The following ADAM19 variants were observed in gnomAD, a reference collection of about 807,000 sequenced individuals.
ADAM19 encodes the protein disintegrin and metalloproteinase domain-containing protein 19.
A neutral mutation model predicts 114.7 loss-of-function variants in ADAM19; 65 were observed. The observed-to-expected ratio is 0.57, with a 90% CI of 0.46 to 0.70. The LOEUF (loss-of-function observed/expected upper bound fraction) is 0.70. Among genes scored for constraint, ADAM19 ranks in the 30% least tolerant of loss-of-function variants. The pLI, the probability that ADAM19 is intolerant of heterozygous loss-of-function variation, is 0.00. For synonymous variants in ADAM19, 466 were observed against 460.5 expected (o/e 1.01, Z -0.15); for missense variants, 1,063 against 1,204.7 (o/e 0.88, Z 1.74).
chr5:157,556,209 CTTTTTTT>C (rs68078503), intron 3 of ADAM19, among the ~76,000 whole-genome samples: 1,678 of 66,500 alleles, frequency 0.025, 48 homozygotes, highest in African/African-American at 0.094. Flanking sequence ...TTTTCTTTTT[CTTTTTTT>C]TTTTTTTTTT....
chr5:157,569,416 C>CTT (rs1196722802), intron 2 of ADAM19, among the ~76,000 whole-genome samples: 566 of 97,894 alleles, frequency 5.8e-3, no homozygotes, highest in African/African-American at 8.7e-3. Flanking sequence ...AGCTAATTTT[C>CTT]TTTTTTTTTT....
At chr5:157,504,944 C>T (rs1236799807) in intron 11 of ADAM19, among the ~76,000 whole-genome samples, 2 of 151,724 alleles carry the variant, frequency 1.3e-5, no homozygotes, top group African/African-American at 2.4e-5. Flanking sequence ...ATGGTGAAAC[C>T]CTGTCTCTAC....
intron 22 of ADAM19, 53 bp from the exon 23 acceptor site, chr5:157,481,055 G>A: frequency 6.2e-7 from 1 of 1,610,726 alleles, no homozygotes; most frequent in Non-Finnish European, 8.5e-7. Flanking sequence ...GCTGATCAAT[G>A]GGATCAAGGG....
Position 157,479,759 on chromosome 5 carries a change from G to A in ADAM19, c.*1190C>T. The stretch of plus-strand genomic sequence containing the variant: ...CTGGCTGCCTTCTCCAGTGATCTCG[G>A]GCAGCTCCCAGAAATGGGTCTGTTC... On this transcript the variant is annotated 3_prime_UTR_variant, in exon 23 of 23. Coordinates refer to ENST00000257527, the MANE Select transcript of ADAM19 (RefSeq NM_033274.5). The A allele has an allele frequency of 1.0e-6, 1 of 985,644 alleles. No individual in the cohort carries two copies. Among genetic ancestry groups the A allele is most frequent in the Non-Finnish European group, 1.2e-6 (1 of 830,030 alleles). 61.1% of individuals were successfully genotyped at this position (985,644 alleles called of 1,614,324 possible). A position where few individuals can be genotyped will look rare whatever the true frequency, so the allele number is the denominator to read the frequency against.
chr5:157,488,115 C>A (rs1232405463), intron 21 of ADAM19, 150 bp downstream of exon 21: 8 of 756,762 alleles, frequency 1.1e-5, no homozygotes, highest in Non-Finnish European at 1.8e-5. Context: ...GTTGCTCTAA[C>A]CTGCTGTGCG....
chr5:157,525,105 C>T (rs1756416311), intron 5 of ADAM19, among the ~76,000 whole-genome samples: 1 of 152,196 alleles, frequency 6.6e-6, no homozygotes, highest in Non-Finnish European at 1.5e-5. Flanking sequence ...ACAACTGAGA[C>T]TTGAGAACTT....
chr5:157,484,248 AT>A (rs1400425801), intron 21 of ADAM19, among the ~76,000 whole-genome samples: 1 of 151,952 alleles, frequency 6.6e-6, no homozygotes, highest in African/African-American at 2.4e-5. Flanking sequence ...TATATAATTT[AT>A]TTACTTATCC....
chr5:157,514,406 A>G (rs375432843), intron 7 of ADAM19, among the ~76,000 whole-genome samples: 1 of 149,948 alleles, frequency 6.7e-6, no homozygotes, highest in East Asian at 2.0e-4. Context: ...CTCGGCTTAC[A>G]ACCTCCGCCT....
intron 6 of ADAM19, 81 bp downstream of exon 6, chr5:157,519,758 T>A (rs1756216514): frequency 7.6e-7 from 1 of 1,311,236 alleles, no homozygotes; most frequent in East Asian, 2.3e-5. Context: ...TTAGAAATAC[T>A]CCTGGATTCA....
chr5:157,490,587 A>G (rs984693304), intron 18 of ADAM19, 133 bp from the exon 19 acceptor site: 2 of 1,177,126 alleles, frequency 1.7e-6, no homozygotes. Flanking sequence ...TAACTTACAA[A>G]TTATAATTAA....
intron 5 of ADAM19, among the ~76,000 whole-genome samples, chr5:157,528,298 G>A (rs370738711): frequency 5.3e-5 from 8 of 152,160 alleles, no homozygotes; most frequent in South Asian, 2.1e-4. Flanking sequence ...AGAAACACAC[G>A]GACAGCTCAC....
intron 21 of ADAM19, among the ~76,000 whole-genome samples, chr5:157,484,306 C>T (rs1754857229): frequency 6.6e-6 from 1 of 152,176 alleles, no homozygotes; most frequent in Non-Finnish European, 1.5e-5. Context: ...AGAGTGGAAG[C>T]AGTGTGGGGT....
chr5:157,479,356 T>C lies in ADAM19; in HGVS notation c.*1593A>G. 1 of 985,990 alleles carries C rather than the reference T, an allele frequency of 1.0e-6. No homozygotes were observed. Among genetic ancestry groups the C allele is most frequent in the Non-Finnish European group, 1.2e-6 (1 of 830,078 alleles). 61.1% of individuals were successfully genotyped at this position (985,990 alleles called of 1,614,324 possible). ...TGAATCAGAAGCTCAGCCTCAGCCT[T>C]GCAGTGAGGTTTTCAAGAGCAAACA... On this transcript the variant is annotated 3_prime_UTR_variant, in exon 23 of 23. Coordinates refer to ENST00000257527, the MANE Select transcript of ADAM19 (RefSeq NM_033274.5).
rs1211614455 is a variant in ADAM19, at chr5:157,480,228, C to A, written c.*721G>T. 10 of 985,924 alleles carry A rather than the reference C, an allele frequency of 1.0e-5. No homozygotes were observed. In the South Asian group the frequency reaches 1.4e-4, roughly 14 times the overall value. 61.1% of individuals were successfully genotyped at this position (985,924 alleles called of 1,614,324 possible). On this transcript the variant is annotated 3_prime_UTR_variant, in exon 23 of 23. Transcript: ENST00000257527. ...AAAAATTATCCAGAGTCAGGAGTCG[C>A]AACCTTTGGCATCACGGCTCAGAGG...
At chr5:157,568,554 G>A (rs989768972) in intron 2 of ADAM19, 1 of 151,954 alleles carries the variant, frequency 6.6e-6, no homozygotes, top group Non-Finnish European at 1.5e-5. Flanking sequence ...ACCTCTCCTA[G>A]GGATGGGTTA....
chr5:157,479,083 G>A lies in ADAM19; in HGVS notation c.*1866C>T. 1 of 985,870 alleles carries A rather than the reference G, an allele frequency of 1.0e-6. No individual in the cohort carries two copies. Among genetic ancestry groups the A allele is most frequent in the South Asian group, 4.7e-5 (1 of 21,292 alleles). 61.1% of individuals were successfully genotyped at this position (985,870 alleles called of 1,614,324 possible). On this transcript the variant is annotated 3_prime_UTR_variant, in exon 23 of 23. Coordinates refer to ENST00000257527, the MANE Select transcript of ADAM19 (RefSeq NM_033274.5). ...CATTTAAATAAAAGGTTGGGCCACA[G>A]GAAAGGTGGGGAATGGATCTCCACA...
At chr5:157,507,257 T>C (rs1489580395) in intron 9 of ADAM19, 117 bp from the exon 10 acceptor site, 4 of 959,014 alleles carry the variant, frequency 4.2e-6, no homozygotes, top group Non-Finnish European at 6.5e-6. Flanking sequence ...TCCCAGGTCA[T>C]TCCCAAGGGG....
intron 3 of ADAM19, among the ~76,000 whole-genome samples, chr5:157,545,762 C>T (rs1757032174): frequency 6.6e-6 from 1 of 152,204 alleles, no homozygotes; most frequent in Admixed American, 6.5e-5. Context: ...CAGTGGTAGA[C>T]AAGCCAAGAG....
At chr5:157,482,353 T>C (rs1561837878) in intron 21 of ADAM19, among the ~76,000 whole-genome samples, 1 of 152,256 alleles carries the variant, frequency 6.6e-6, no homozygotes. Flanking sequence ...TTCTGTAGGT[T>C]GCCTGTTCAC....
Sources: gnomAD v4.1 joint callset for allele counts (sites outside exome capture counted in the v4.1 genomes callset) on GRCh38, gnomAD v4.1.1 for gene constraint, MANE v1.5 for transcripts, NCBI Gene and HGNC (gene_info 2026-07-23, HGNC 2026-07-21) for gene names.